The following GPHN variants were observed in gnomAD, a reference collection of about 807,000 sequenced individuals.
GPHN encodes the protein gephyrin.
In GPHN, 17 loss-of-function variants were observed where a neutral mutation model predicts 95.5. The observed-to-expected ratio is 0.18, with a 90% CI of 0.12 to 0.27. The LOEUF (loss-of-function observed/expected upper bound fraction) is 0.27. Among genes scored for constraint, GPHN ranks in the 10% least tolerant of loss-of-function variants. The pLI, the probability that GPHN is intolerant of heterozygous loss-of-function variation, is 1.00. For synonymous variants in GPHN, 320 were observed against 322.5 expected, an observed-to-expected ratio of 0.99 and a Z score of 0.08; for missense variants, 660 against 978.1, an observed-to-expected ratio of 0.67 and a Z score of 4.34.
the GPHN span, among the ~76,000 whole-genome samples, chr14:67,631,303 C>A: frequency 6.6e-6 from 1 of 152,146 alleles, no homozygotes; most frequent in Non-Finnish European, 1.5e-5. Context: ...GACCTACTTT[C>A]TAATACAATG....
intron 1 of GPHN, among the ~76,000 whole-genome samples, chr14:66,651,458 A>G (rs2065039504): frequency 6.6e-6 from 1 of 152,136 alleles, no homozygotes; most frequent in Admixed American, 6.6e-5. Flanking sequence ...ATGATCACCT[A>G]TCTCGGCTTT....
At chr14:66,727,326 C>T (rs2071339386) in intron 2 of GPHN, among the ~76,000 whole-genome samples, 1 of 152,142 alleles carries the variant, frequency 6.6e-6, no homozygotes, top group African/African-American at 2.4e-5. Flanking sequence ...TGGACTAATG[C>T]AGTAAATTGG....
chr14:67,642,474 T>G, the GPHN span: 1 of 1,237,272 alleles, frequency 8.1e-7, no homozygotes, highest in Non-Finnish European at 1.1e-6. Flanking sequence ...TACAGAATTT[T>G]TAGGGTAGAT....
At chr14:66,589,076 A>T (rs1376483989) in intron 1 of GPHN, among the ~76,000 whole-genome samples, 2 of 152,182 alleles carry the variant, frequency 1.3e-5, no homozygotes, top group African/African-American at 2.4e-5. Context: ...GGGGGCCAAT[A>T]TTCAACCTTC....
intron 3 of GPHN, among the ~76,000 whole-genome samples, chr14:66,779,981 C>G (rs2059546007): frequency 1.3e-5 from 2 of 151,908 alleles, no homozygotes. Context: ...AACCTGAACT[C>G]AAGCAGTGAC....
At chr14:67,692,681 A>G in the GPHN span, 2 of 1,459,814 alleles carry the variant, frequency 1.4e-6, no homozygotes, top group Non-Finnish European at 1.8e-6. Context: ...ATTTTTTTAA[A>G]AAACACACAT....
chr14:66,681,121 T>C lies in GPHN; in HGVS notation c.79T>C (p.Phe27Leu). 6.3e-7 allele frequency: 1 copy of C among 1,589,238 alleles called. No individual in the cohort carries two copies. Among genetic ancestry groups the C allele is most frequent in the Non-Finnish European group, 8.6e-7 (1 of 1,158,990 alleles). The change falls in exon 2 of 23, where the codon TTC becomes CTC. Residue 27 changes from phenylalanine (F) to leucine (L), a missense_variant. By Grantham distance (22) the Phe-to-Leu change is conservative. Transcript: ENST00000478722. ...VGVLTVSDSCFRNLAEDRSGI... is the reference protein window; with the variant it reads ...VGVLTVSDSCLRNLAEDRSGI... ...TTTCTATTTAGTGAGTGATAGTTGC[T>C]TCAGGAATCTTGCAGAAGACCGCAG...
intron 2 of GPHN, among the ~76,000 whole-genome samples, chr14:66,731,790 G>A (rs948797879): frequency 4.6e-5 from 7 of 152,156 alleles, no homozygotes; most frequent in Non-Finnish European, 7.4e-5. Context: ...CCCATCACAG[G>A]CCCAGTGGCC....
chr14:66,619,194 G>A (rs936126613), intron 1 of GPHN, among the ~76,000 whole-genome samples: 3 of 152,108 alleles, frequency 2.0e-5, no homozygotes, highest in African/African-American at 7.2e-5. Flanking sequence ...ATGTACATGT[G>A]TAAGTCTTTG....
At chr14:67,474,744 C>T in the GPHN span, among the ~76,000 whole-genome samples, 124 of 152,210 alleles carry the variant, frequency 8.1e-4, no homozygotes, top group African/African-American at 2.8e-3. Context: ...CCCTGGCAAC[C>T]ACTATTCTAT....
the GPHN span, among the ~76,000 whole-genome samples, chr14:67,255,920 C>T: frequency 1.3e-5 from 2 of 152,348 alleles, no homozygotes; most frequent in African/African-American, 4.8e-5. Context: ...CTCCTGACCT[C>T]AAGTGATCCA....
chr14:67,367,934 G>T, the GPHN span, among the ~76,000 whole-genome samples: 1 of 151,962 alleles, frequency 6.6e-6, no homozygotes, highest in Non-Finnish European at 1.5e-5. Context: ...GACTATTTTT[G>T]CCCTTCTTAG....
chr14:67,183,422 T>A (rs114958032), downstream of GPHN, among the ~76,000 whole-genome samples: 1,484 of 152,308 alleles, frequency 9.7e-3, 16 homozygotes, highest in African/African-American at 0.029. Context: ...CTATAAGCAT[T>A]GTTTTTCCTG....
intron 3 of GPHN, among the ~76,000 whole-genome samples, chr14:66,779,622 GA>G (rs1008446453): frequency 4.6e-5 from 7 of 152,074 alleles, no homozygotes; most frequent in Non-Finnish European, 1.0e-4. Flanking sequence ...CTGGACATTG[GA>G]AAAAGTAAAT....
intron 17 of GPHN, among the ~76,000 whole-genome samples, chr14:67,124,135 G>A (rs2079165135): frequency 6.6e-6 from 1 of 152,160 alleles, no homozygotes; most frequent in African/African-American, 2.4e-5. Context: ...GCCAGGAGTG[G>A]TGGCTCACAC....
chr14:67,263,167 TTGA>T, the GPHN span, among the ~76,000 whole-genome samples: 11 of 152,304 alleles, frequency 7.2e-5, no homozygotes, highest in African/African-American at 2.6e-4. Flanking sequence ...GAATTTTCTG[TTGA>T]TGAAAAATGA....
At chr14:66,559,072 A>C (rs1470717903) in intron 1 of GPHN, among the ~76,000 whole-genome samples, 3 of 152,034 alleles carry the variant, frequency 2.0e-5, no homozygotes, top group Non-Finnish European at 4.4e-5. Flanking sequence ...TGAACTCATC[A>C]TTTTTTATGG....
chr14:67,291,117 A>G, the GPHN span, among the ~76,000 whole-genome samples: 1 of 152,184 alleles, frequency 6.6e-6, no homozygotes, highest in Non-Finnish European at 1.5e-5. Context: ...CCATAAATAT[A>G]ATTAAGAGGT....
the GPHN span, among the ~76,000 whole-genome samples, chr14:67,235,380 A>G: frequency 6.6e-6 from 1 of 151,748 alleles, no homozygotes; most frequent in Non-Finnish European, 1.5e-5. Flanking sequence ...TTCATTATAA[A>G]TTTTTCCAAG....
Sources: gnomAD v4.1 joint callset for allele counts (sites outside exome capture counted in the v4.1 genomes callset) on GRCh38, gnomAD v4.1.1 for gene constraint, MANE v1.5 for transcripts, NCBI Gene and HGNC (gene_info 2026-07-23, HGNC 2026-07-21) for gene names.